The following TBCK variants were observed in gnomAD, a reference collection of about 807,000 sequenced individuals.
TBCK encodes TBC domain-containing protein kinase-like protein.
Under a neutral mutation model 113.4 loss-of-function variants are expected in TBCK, and 99 were observed. The observed-to-expected ratio is 0.87, with a 90% CI of 0.74 to 1.03. The LOEUF (loss-of-function observed/expected upper bound fraction) is 1.03. Ranked by LOEUF, TBCK falls within the 50% of genes least tolerant of loss-of-function variation. The pLI is 0.00. For synonymous variants in TBCK, 369 were observed against 370.8 expected, an observed-to-expected ratio of 1.00 and a Z score of 0.05; for missense variants, 1,045 against 1,061.3, an observed-to-expected ratio of 0.98 and a Z score of 0.21.
At chr4:106,184,967 A>C (rs944353095) in intron 22 of TBCK, among the ~76,000 whole-genome samples, 1 of 152,068 alleles carries the variant, frequency 6.6e-6, no homozygotes, top group Non-Finnish European at 1.5e-5. Context: ...CTCTACCTAT[A>C]GAGCAGGTAT....
chr4:106,273,124 G>A (rs1261199606), intron 3 of TBCK, among the ~76,000 whole-genome samples: 6 of 151,952 alleles, frequency 3.9e-5, no homozygotes, highest in Non-Finnish European at 5.9e-5. Context: ...TTAAAGACTG[G>A]GTCTGGATAA....
intron 25 of TBCK, among the ~76,000 whole-genome samples, chr4:106,070,013 T>C (rs1737181244): frequency 6.6e-6 from 1 of 152,174 alleles, no homozygotes; most frequent in Non-Finnish European, 1.5e-5. Context: ...TTTGCTGAAG[T>C]TGCTTATCAG....
chr4:106,245,519 A>G (rs1385054436), intron 10 of TBCK, among the ~76,000 whole-genome samples: 1 of 152,152 alleles, frequency 6.6e-6, no homozygotes, highest in South Asian at 2.1e-4. Flanking sequence ...TCTTTAAGTG[A>G]GCCAGTCACT....
In TBCK at chr4:106,092,587, G is replaced by A. The variant is rs1414417028; in HGVS notation, c.2571+2895C>T. Among the ~76,000 whole-genome samples the A allele has an allele frequency of 4.6e-5, 7 of 152,218 alleles. No individual in the cohort carries two copies. In the East Asian group the frequency reaches 5.8e-4, roughly 13 times the overall value. ...GGCCCGGTGAGAAATCAAGTGCAGC[G>A]CTGGTGGGCCAGCACTGCTGGGGGA... On this transcript the variant is annotated intron_variant, in intron 25 of 25. Coordinates refer to ENST00000394708, the MANE Select transcript of TBCK (RefSeq NM_001163435.3).
intron 22 of TBCK, among the ~76,000 whole-genome samples, chr4:106,177,683 G>A (rs1162571617): frequency 2.0e-5 from 3 of 151,766 alleles, no homozygotes; most frequent in African/African-American, 2.4e-5. Flanking sequence ...CCATTTCATT[G>A]GTCTATGTGC....
intron 2 of TBCK, among the ~76,000 whole-genome samples, chr4:106,296,430 G>A (rs1021751782): frequency 2.0e-5 from 3 of 152,068 alleles, no homozygotes; most frequent in African/African-American, 7.2e-5. Flanking sequence ...AAATGAAAAA[G>A]TAGCCAAGGT....
At position 106,268,328 on chromosome 4, in the gene TBCK, T is replaced by C. The variant is rs1188614156; in HGVS notation, c.267-6116A>G. 2.0e-5 allele frequency among the ~76,000 whole-genome samples: 3 copies of C among 152,086 alleles called. No homozygotes were observed. In the East Asian group the frequency reaches 5.8e-4, roughly 29 times the overall value. On this transcript the variant is annotated intron_variant, in intron 3 of 25. Transcript: ENST00000394708. ...CTAGATTTTATGGTAATTATTTCTATATAAGCTTGTCTTTCCCACTGTATC... is the reference window on the plus strand; with the variant it reads ...CTAGATTTTATGGTAATTATTTCTACATAAGCTTGTCTTTCCCACTGTATC...
chr4:106,211,827 T>C (rs558831690), intron 20 of TBCK, among the ~76,000 whole-genome samples: 10 of 152,268 alleles, frequency 6.6e-5, no homozygotes, highest in Admixed American at 5.2e-4. Flanking sequence ...TATACACATA[T>C]ACACTAAATT....
intron 22 of TBCK, among the ~76,000 whole-genome samples, chr4:106,185,404 T>C (rs1012212041): frequency 4.6e-5 from 7 of 152,174 alleles, no homozygotes; most frequent in African/African-American, 1.7e-4. Context: ...ATTAACTGTA[T>C]ATTAATTGTT....
rs181027130 is a variant in TBCK at position 106,080,850 on chromosome 4, G to T, written c.2571+14632C>A. Among the ~76,000 whole-genome samples, 90 of 152,046 alleles carry T rather than the reference G, an allele frequency of 5.9e-4. 3 individuals carry two copies. Among genetic ancestry groups the T allele is most frequent in the Admixed American group, 1.7e-3 (26 of 15,288 alleles). Reference sequence around the variant, plus strand: ...CAATTAAAAAAAAACCCATTAGAAAGTGGACAAAAAACATGAACAGATACC... The same window carrying T: ...CAATTAAAAAAAAACCCATTAGAAATTGGACAAAAAACATGAACAGATACC... On this transcript the variant is annotated intron_variant, in intron 25 of 25. Coordinates refer to ENST00000394708, the MANE Select transcript of TBCK (RefSeq NM_001163435.3).
intron 22 of TBCK, among the ~76,000 whole-genome samples, chr4:106,171,814 A>G (rs558152781): frequency 3.5e-4 from 53 of 152,002 alleles, no homozygotes; most frequent in Non-Finnish European, 6.8e-4. Flanking sequence ...CAGAATCTCA[A>G]TTCAGCATTT....
At chr4:106,205,643 G>C (rs946645323) in intron 20 of TBCK, among the ~76,000 whole-genome samples, 2 of 143,014 alleles carry the variant, frequency 1.4e-5, no homozygotes, top group Non-Finnish European at 3.0e-5. Context: ...GCAAACACCT[G>C]TAATCCCAGT....
intron 23 of TBCK, among the ~76,000 whole-genome samples, chr4:106,132,470 C>A (rs996571249): frequency 1.3e-5 from 2 of 152,248 alleles, no homozygotes; most frequent in African/African-American, 2.4e-5. Flanking sequence ...TTAGAAATAT[C>A]TGCCTAGATT....
intron 3 of TBCK, among the ~76,000 whole-genome samples, chr4:106,272,163 T>C (rs934484245): frequency 1.3e-5 from 2 of 152,212 alleles, no homozygotes; most frequent in Non-Finnish European, 2.9e-5. Flanking sequence ...ACCCCTGGGC[T>C]ATCTTTTTCT....
intron 23 of TBCK, among the ~76,000 whole-genome samples, chr4:106,143,065 T>A (rs1747320924): frequency 6.6e-6 from 1 of 152,226 alleles, no homozygotes; most frequent in Admixed American, 6.5e-5. Context: ...TTACCAACGA[T>A]AACAATAATT....
chr4:106,089,764 C>T (rs988259575), intron 25 of TBCK, among the ~76,000 whole-genome samples: 2 of 152,326 alleles, frequency 1.3e-5, no homozygotes, highest in Admixed American at 1.3e-4. Context: ...TCTTAAAGCT[C>T]CAAAACAATC....
At chr4:106,158,684 C>T (rs183500136) in intron 23 of TBCK, among the ~76,000 whole-genome samples, 1 of 152,084 alleles carries the variant, frequency 6.6e-6, no homozygotes, top group African/African-American at 2.4e-5. Context: ...AAGAAAAGTC[C>T]TAGATCTGAT....
intron 25 of TBCK, among the ~76,000 whole-genome samples, chr4:106,087,965 A>G (rs1739712626): frequency 6.6e-6 from 1 of 152,248 alleles, no homozygotes; most frequent in Admixed American, 6.5e-5. Flanking sequence ...AAGATGGATT[A>G]AAGACTTAAA....
At chr4:106,249,061 A>G (rs112321941) in intron 7 of TBCK, 79 bp from the exon 8 acceptor site, 3 of 999,344 alleles carry the variant, frequency 3.0e-6, no homozygotes, top group South Asian at 3.7e-5. Context: ...CTGATCAAAA[A>G]TGTTTTAATG....
Sources: gnomAD v4.1 joint callset for allele counts (sites outside exome capture counted in the v4.1 genomes callset) on GRCh38, gnomAD v4.1.1 for gene constraint, MANE v1.5 for transcripts, NCBI Gene and HGNC (gene_info 2026-07-23, HGNC 2026-07-21) for gene names.